RNGTT: variants seen among roughly 807,000 people sequenced by gnomAD.
RNGTT encodes the protein RNA guanylyltransferase and 5'-phosphatase.
In RNGTT, 33 loss-of-function variants were observed where a neutral mutation model predicts 79.3. That is an observed-to-expected ratio of 0.42 (90% confidence interval 0.32 to 0.56). The LOEUF (loss-of-function observed/expected upper bound fraction) is 0.56, where lower values mean the gene tolerates loss of function less well. Among genes scored for constraint, RNGTT ranks in the 20% least tolerant of loss-of-function variants. The pLI is 0.17. For synonymous variants in RNGTT, 222 were observed against 235.9 expected (o/e 0.94, Z 0.54); for missense variants, 497 against 739.1 (o/e 0.67, Z 3.80).
chr6:88,903,722 T>C (rs1425365894), intron 6 of RNGTT, among the ~76,000 whole-genome samples: 1 of 152,220 alleles, frequency 6.6e-6, no homozygotes, highest in Non-Finnish European at 1.5e-5. Context: ...CCATGCCTAC[T>C]AATAAATGAG....
At chr6:88,727,370 A>T (rs950652395) in intron 13 of RNGTT, among the ~76,000 whole-genome samples, 1 of 152,216 alleles carries the variant, frequency 6.6e-6, no homozygotes, top group African/African-American at 2.4e-5. Flanking sequence ...TGAAATGTTA[A>T]TTGTGAAGGT....
At position 88,773,874 on chromosome 6, in the gene RNGTT, T is replaced by C. The variant is rs538882357; in HGVS notation, c.1339-4000A>G. 2.0e-5 allele frequency among the ~76,000 whole-genome samples: 3 copies of C among 152,222 alleles called. No homozygotes were observed. The East Asian group carries it at 5.8e-4, about 29-fold the overall frequency. ...ACCACAGAAGTCTTAGAAGAAAACA[T>C]AAGGCTCTGCGATCTTAGATTTGGC... On this transcript the variant is annotated intron_variant, in intron 12 of 15. Coordinates refer to ENST00000369485, the MANE Select transcript of RNGTT (RefSeq NM_003800.5).
At chr6:88,831,764 CA>C (rs2127889337) in intron 11 of RNGTT, among the ~76,000 whole-genome samples, 1 of 152,254 alleles carries the variant, frequency 6.6e-6, no homozygotes, top group African/African-American at 2.4e-5. Context: ...AATCGATGCA[CA>C]AAAATCACAA....
rs1477939168 is a variant in RNGTT, at chr6:88,963,404, A to C, written c.6T>G (p.Ala2=). 6.2e-7 allele frequency: 1 copy of C among 1,605,426 alleles called. No individual in the cohort carries two copies. The highest frequency in any genetic ancestry group is 1.7e-5 in the Admixed American group (1 of 59,298). ...GCCACCGCGGCGGGATCTTGTTGTG[A>C]GCCATGTCTTGGGGCTGCGCAGAGC... M[A]HNKIPPRWLN... The change falls in exon 1 of 16, where the codon GCT becomes GCG. Residue 2 remains alanine, a synonymous_variant. Coordinates refer to ENST00000369485, the MANE Select transcript of RNGTT (RefSeq NM_003800.5).
In RNGTT at chr6:88,904,873, G is replaced by C. The variant is rs1326390692; in HGVS notation, c.526C>G (p.Arg176Gly). Residue 176 changes from arginine (R) to glycine (G), a missense_variant, in exon 6 of 16, where the codon CGG (arginine) becomes GGG (glycine). Around this residue, in one of 3 missense-constraint regions of RNGTT, gnomAD observed 440 missense variants for 671.5 expected, o/e 0.66. Coordinates refer to ENST00000369485, the MANE Select transcript of RNGTT (RefSeq NM_003800.5). ...KGDYLKELFRRYGDIEEAPPP... is the reference protein window; with the variant it reads ...KGDYLKELFRGYGDIEEAPPP... ...GGTGCTTCCTCTATGTCACCATACC[G>C]ACGAAAAAGTTCCTTCAAATAATCA... 1 of 1,613,844 alleles carries C rather than the reference G, an allele frequency of 6.2e-7. No homozygotes were observed. Among genetic ancestry groups the C allele is most frequent in the Non-Finnish European group, 8.5e-7 (1 of 1,180,022 alleles).
At chr6:88,631,597 G>C (rs1772889694) in intron 14 of RNGTT, among the ~76,000 whole-genome samples, 2 of 152,138 alleles carry the variant, frequency 1.3e-5, no homozygotes, top group Non-Finnish European at 2.9e-5. Context: ...CCCATATGAT[G>C]GTGGCCAGTG....
chr6:88,768,554 G>C (rs1037926028), intron 13 of RNGTT, among the ~76,000 whole-genome samples: 1 of 152,094 alleles, frequency 6.6e-6, no homozygotes, highest in Non-Finnish European at 1.5e-5. Context: ...ATCTTTTGGA[G>C]TCTGGACTCC....
intron 10 of RNGTT, among the ~76,000 whole-genome samples, chr6:88,845,907 A>G (rs1406829051): frequency 6.6e-6 from 1 of 152,206 alleles, no homozygotes; most frequent in African/African-American, 2.4e-5. Context: ...AAGGTTGAAA[A>G]ATCTAAAACG....
intron 13 of RNGTT, among the ~76,000 whole-genome samples, chr6:88,740,281 G>T (rs1041227622): frequency 1.3e-5 from 2 of 152,082 alleles, no homozygotes; most frequent in Admixed American, 6.6e-5. Flanking sequence ...ACTTTGGGGG[G>T]GCCGAGGCAG....
At chr6:88,899,781 T>C (rs751464872) in intron 6 of RNGTT, among the ~76,000 whole-genome samples, 4 of 152,174 alleles carry the variant, frequency 2.6e-5, no homozygotes, top group Non-Finnish European at 5.9e-5. Context: ...TCAAAAATGG[T>C]AGCTAAGACA....
chr6:88,944,227 A>G (rs1582160349), intron 1 of RNGTT, among the ~76,000 whole-genome samples: 1 of 152,220 alleles, frequency 6.6e-6, no homozygotes, highest in East Asian at 1.9e-4. Context: ...ACTCCTAACA[A>G]TAAGTATTGT....
intron 11 of RNGTT, among the ~76,000 whole-genome samples, chr6:88,806,296 G>A (rs1337097211): frequency 6.6e-5 from 10 of 150,626 alleles, no homozygotes; most frequent in African/African-American, 4.9e-5. Context: ...TGCTGGCAAC[G>A]TTGTCGAGAA....
rs556069393 is a variant in RNGTT, at chr6:88,740,533, G to C, written c.1439+29241C>G. 3.3e-5 allele frequency among the ~76,000 whole-genome samples: 5 copies of C among 151,528 alleles called. No homozygotes were observed. The East Asian group carries it at 7.8e-4, about 24-fold the overall frequency. ...CTGTCTCAAAAAAACAAAAAAACAAGAAAGGAAAGAAAGAGAAAAAAGAAA... is the reference window on the plus strand; with the variant it reads ...CTGTCTCAAAAAAACAAAAAAACAACAAAGGAAAGAAAGAGAAAAAAGAAA... On this transcript the variant is annotated intron_variant, in intron 13 of 15. Coordinates refer to ENST00000369485, the MANE Select transcript of RNGTT (RefSeq NM_003800.5).
At chr6:88,614,152 AAGGATGAAGT>A in intron 15 of RNGTT, 110 bp downstream of exon 15, 1 of 919,132 alleles carries the variant, frequency 1.1e-6, no homozygotes, top group Non-Finnish European at 1.6e-6. Context: ...CCCATCAAAC[AAGGATGAAGT>A]CCAAATGACT....
rs1773203030 is a variant in RNGTT at position 88,638,862 on chromosome 6, C to G, written c.1507-24467G>C. On this transcript the variant is annotated intron_variant, in intron 14 of 15. Coordinates refer to ENST00000369485, the MANE Select transcript of RNGTT (RefSeq NM_003800.5). Reference sequence around the variant, plus strand: ...TTGCCACACAATAACTGTTTTCTCTCAAGACAGAAATGTAAGCAACATTTG... The same window carrying G: ...TTGCCACACAATAACTGTTTTCTCTGAAGACAGAAATGTAAGCAACATTTG... 2.6e-5 allele frequency among the ~76,000 whole-genome samples: 4 copies of G among 152,088 alleles called. No homozygotes were observed. The South Asian group carries it at 8.3e-4, about 32-fold the overall frequency.
At chr6:88,944,253 T>A (rs1263387234) in intron 1 of RNGTT, among the ~76,000 whole-genome samples, 1 of 152,240 alleles carries the variant, frequency 6.6e-6, no homozygotes, top group Non-Finnish European at 1.5e-5. Context: ...TTCCTCGTTT[T>A]ACAGATGAGA....
intron 14 of RNGTT, among the ~76,000 whole-genome samples, chr6:88,665,702 C>G (rs747727696): frequency 6.6e-6 from 1 of 152,186 alleles, no homozygotes; most frequent in South Asian, 2.1e-4. Context: ...CCCGGCTTCC[C>G]CAGGGGTTCA....
intron 11 of RNGTT, among the ~76,000 whole-genome samples, chr6:88,824,417 A>G (rs764929897): frequency 1.3e-5 from 2 of 152,248 alleles, no homozygotes; most frequent in Non-Finnish European, 2.9e-5. Flanking sequence ...TTATGGGACC[A>G]CCATTATATA....
At chr6:88,787,575 C>A (rs935497453) in intron 12 of RNGTT, among the ~76,000 whole-genome samples, 3 of 152,002 alleles carry the variant, frequency 2.0e-5, no homozygotes, top group African/African-American at 4.8e-5. Context: ...TGGAGAATTG[C>A]TTGAACCCAG....
Sources: gnomAD v4.1 joint callset for allele counts (sites outside exome capture counted in the v4.1 genomes callset) on GRCh38, gnomAD v4.1.1 for gene constraint, gnomAD v4.1.1 regional missense constraint, MANE v1.5 for transcripts, NCBI Gene and HGNC (gene_info 2026-07-23, HGNC 2026-07-21) for gene names.